RIPPLY2: variants seen among roughly 807,000 people sequenced by gnomAD.
The protein encoded by RIPPLY2 is protein ripply2.
Under a neutral mutation model 17.7 loss-of-function variants are expected in RIPPLY2, and 20 were observed. The observed-to-expected ratio is 1.13, with a 90% CI of 0.79 to 1.64. RIPPLY2 has a LOEUF of 1.64. Among genes scored for constraint, RIPPLY2 ranks in the 40% most tolerant of loss-of-function variants. RIPPLY2 has a pLI of 0.00. For synonymous variants in RIPPLY2, 69 were observed against 63.9 expected (o/e 1.08, Z -0.38); for missense variants, 213 against 169.8 (o/e 1.25, Z -1.41).
At chr6:83,853,533 T>A in intron 1 of RIPPLY2, 22 bp downstream of exon 1, 1 of 1,535,702 alleles carries the variant, frequency 6.5e-7, no homozygotes, top group Non-Finnish European at 8.7e-7. Flanking sequence ...CGCGCTGCTC[T>A]GCGCCTCCCA....
In RIPPLY2 at chr6:83,854,167, T is replaced by G; in HGVS notation, c.239+6T>G. 6.2e-7 allele frequency: 1 copy of G among 1,613,268 alleles called. No individual in the cohort carries two copies. Among genetic ancestry groups the G allele is most frequent in the South Asian group, 1.1e-5 (1 of 91,062 alleles). Reference sequence around the variant, plus strand: ...CAATTCAGGCACCCAGTCAGGTGAGTGACAGGCCTCGCCGAAGGTCTCCCG... The same window carrying G: ...CAATTCAGGCACCCAGTCAGGTGAGGGACAGGCCTCGCCGAAGGTCTCCCG... On this transcript the variant is annotated splice_donor_region_variant and intron_variant, in intron 3 of 3. Coordinates refer to ENST00000369689, the MANE Select transcript of RIPPLY2 (RefSeq NM_001009994.3).
At chr6:83,855,487 A>G (rs2099454856) in intron 3 of RIPPLY2, 2 of 152,174 alleles carry the variant, frequency 1.3e-5, no homozygotes, top group African/African-American at 2.4e-5. Flanking sequence ...AGAAGAGGTA[A>G]AAGGCCAGAA....
Position 83,853,526 on chromosome 6 carries a change from G to A in RIPPLY2, c.95+15G>A. 11 of 1,534,626 alleles carry A rather than the reference G, an allele frequency of 7.2e-6. No individual in the cohort carries two copies. The African/African-American group carries it at 8.3e-5, about 12-fold the overall frequency. Reference sequence around the variant, plus strand: ...GCGGACTCCGGGTAGGCTTCCCCGCGCTGCTCTGCGCCTCCCAGCTTCCCC... The same window carrying A: ...GCGGACTCCGGGTAGGCTTCCCCGCACTGCTCTGCGCCTCCCAGCTTCCCC... On this transcript the variant is annotated intron_variant, in intron 1 of 3. Coordinates refer to ENST00000369689, the MANE Select transcript of RIPPLY2 (RefSeq NM_001009994.3).
In RIPPLY2 at chr6:83,857,218, A is replaced by C. The variant is rs374753165; in HGVS notation, c.240-24A>C. On this transcript the variant is annotated intron_variant, in intron 3 of 3. Coordinates refer to ENST00000369689, the MANE Select transcript of RIPPLY2 (RefSeq NM_001009994.3). Reference sequence around the variant, plus strand: ...TAAAGATCCTGAATGTGAAAAAATAAAACATGTTGTCTGCTTCTTTCAGAC... The same window carrying C: ...TAAAGATCCTGAATGTGAAAAAATACAACATGTTGTCTGCTTCTTTCAGAC... 8 of 1,435,188 alleles carry C rather than the reference A, an allele frequency of 5.6e-6. No homozygotes were observed. In the African/African-American group the frequency reaches 1.2e-4, roughly 21 times the overall value. 88.9% of individuals were successfully genotyped at this position (1,435,188 alleles called of 1,614,324 possible). A position where few individuals can be genotyped will look rare whatever the true frequency, so the allele number is the denominator to read the frequency against.
chr6:83,853,292 GGCAGCGAACCTCTCAATGT>G (rs1184133945), upstream of RIPPLY2: 38 of 698,828 alleles, frequency 5.4e-5, no homozygotes, highest in Non-Finnish European at 7.5e-5. Context: ...GGGGCGGAGA[GGCAGCGAACCTCTCAATGT>G]GCAGCAGGCC....
In RIPPLY2 at chr6:83,853,380, G is replaced by C; in HGVS notation, c.-37G>C. 2 of 1,518,932 alleles carry C rather than the reference G, an allele frequency of 1.3e-6. No homozygotes were observed. The highest frequency in any genetic ancestry group is 1.4e-5 in the African/African-American group (1 of 72,184). The allele number at this position is 1,518,932 out of a possible 1,614,324, so 94.1% of individuals were successfully genotyped here. On this transcript the variant is annotated 5_prime_UTR_variant, in exon 1 of 4. Coordinates refer to ENST00000369689, the MANE Select transcript of RIPPLY2 (RefSeq NM_001009994.3). Reference sequence around the variant, plus strand: ...ACTGGAACTGGTCAAGATTGCCCGCGAGCTGGCAGCGGCCTTCCGCCCAGC... The same window carrying C: ...ACTGGAACTGGTCAAGATTGCCCGCCAGCTGGCAGCGGCCTTCCGCCCAGC...
Position 83,853,675 on chromosome 6 carries a change from T to C in RIPPLY2, c.96-20T>C, listed in dbSNP as rs941975595. 4 of 1,609,232 alleles carry C rather than the reference T, an allele frequency of 2.5e-6. No individual in the cohort carries two copies. The East Asian group carries it at 6.7e-5, about 27-fold the overall frequency. ...GGGCTCACGTCTCCTCTGCGCGCCT[T>C]GTGCTCCCCTATCCCGCAGATACGC... is the stretch of plus-strand genomic sequence containing the variant. On this transcript the variant is annotated intron_variant, in intron 1 of 3. Coordinates refer to ENST00000369689, the MANE Select transcript of RIPPLY2 (RefSeq NM_001009994.3).
Position 83,853,763 on chromosome 6 carries a change from C to T in RIPPLY2, c.164C>T (p.Ala55Val). 6.2e-7 allele frequency: 1 copy of T among 1,612,762 alleles called. No individual in the cohort carries two copies. Among genetic ancestry groups the T allele is most frequent in the Non-Finnish European group, 8.5e-7 (1 of 1,179,734 alleles). ...AAAGAAGAGGAGACGCCGAACCACGCCGCGGAGGCGGTGAGTGAGCCACGC... is the reference window on the plus strand; with the variant it reads ...AAAGAAGAGGAGACGCCGAACCACGTCGCGGAGGCGGTGAGTGAGCCACGC... ...GKKEEETPNH[A>V]AEAMPDGPGM... The change falls in exon 2 of 4, where the codon GCC (alanine) becomes GTC (valine). Residue 55 changes from alanine (A) to valine (V), a missense_variant. Ala to Val is a moderately conservative substitution (Grantham distance 64). Transcript: ENST00000369689.
chr6:83,853,825 A>G, intron 2 of RIPPLY2, 52 bp downstream of exon 2: 1 of 1,510,634 alleles, frequency 6.6e-7, no homozygotes, highest in Non-Finnish European at 9.1e-7. Flanking sequence ...CAGAAGATCG[A>G]CCAGGGCTCT....
chr6:83,853,887 C>G, intron 2 of RIPPLY2, 114 bp downstream of exon 2: 2 of 1,072,986 alleles, frequency 1.9e-6, no homozygotes, highest in South Asian at 2.9e-5. Flanking sequence ...CTGCCTCTCG[C>G]TTAACATCCC....
Position 83,854,095 on chromosome 6 carries a change from A to G in RIPPLY2, c.175-2A>G. 7 of 1,613,864 alleles carry G rather than the reference A, an allele frequency of 4.3e-6. No individual in the cohort carries two copies. The highest frequency in any genetic ancestry group is 5.9e-6 in the Non-Finnish European group (7 of 1,179,806). ...ACTGGATTCACTTCCTTTCCTCTCCAGATGCCCGATGGCCCTGGAATGACC... is the reference window on the plus strand; with the variant it reads ...ACTGGATTCACTTCCTTTCCTCTCCGGATGCCCGATGGCCCTGGAATGACC... On this transcript the variant is annotated splice_acceptor_variant, in intron 2 of 3. Coordinates refer to ENST00000369689, the MANE Select transcript of RIPPLY2 (RefSeq NM_001009994.3). LOFTEE classifies it high-confidence loss of function.
rs1588553090 is a variant in RIPPLY2 at position 83,853,899 on chromosome 6, C to A, written c.174+126C>A. The A allele has an allele frequency of 2.9e-6, 3 of 1,040,050 alleles. No homozygotes were observed. The East Asian group carries it at 7.6e-5, about 26-fold the overall frequency. 64.4% of individuals were successfully genotyped at this position (1,040,050 alleles called of 1,614,324 possible). ...GTCCTGCCTCTCGCTTAACATCCCG[C>A]CTGCCGGTGGCCATAAAGGTGCCGA... On this transcript the variant is annotated intron_variant, in intron 2 of 3. Coordinates refer to ENST00000369689, the MANE Select transcript of RIPPLY2 (RefSeq NM_001009994.3).
At position 83,854,168 on chromosome 6, in the gene RIPPLY2, G is replaced by A. The variant is rs573912260; in HGVS notation, c.239+7G>A. The A allele has an allele frequency of 1.1e-4, 182 of 1,613,240 alleles. No homozygotes were observed. The South Asian group carries it at 1.9e-3, about 17-fold the overall frequency. On this transcript the variant is annotated splice_region_variant and intron_variant, in intron 3 of 3. Transcript: ENST00000369689. Reference sequence around the variant, plus strand: ...AATTCAGGCACCCAGTCAGGTGAGTGACAGGCCTCGCCGAAGGTCTCCCGC... The same window carrying A: ...AATTCAGGCACCCAGTCAGGTGAGTAACAGGCCTCGCCGAAGGTCTCCCGC...
intron 3 of RIPPLY2, chr6:83,855,832 C>T (rs961454515): frequency 2.0e-5 from 3 of 152,162 alleles, no homozygotes; most frequent in Non-Finnish European, 4.4e-5. Context: ...AGCATCTAAC[C>T]AGTACACAGA....
rs1009871056 is a variant in RIPPLY2, at chr6:83,853,503, G to T, written c.87G>T (p.Ala29=). The change falls in exon 1 of 4, where the codon GCG becomes GCT. Residue 29 remains alanine (A), a synonymous_variant. Coordinates refer to ENST00000369689, the MANE Select transcript of RIPPLY2 (RefSeq NM_001009994.3). ...ACGGCCCTACGCGGCGCGCGGGCGC[G>T]GACTCCGGGTAGGCTTCCCCGCGCT... The part of the protein sequence containing the change: ...ATDGPTRRAG[A]DSGYAGFWRP... The T allele has an allele frequency of 6.5e-7, 1 of 1,538,568 alleles. No homozygotes were observed.
At chr6:83,854,346 T>TA (rs2099454670) in intron 3 of RIPPLY2, 185 bp downstream of exon 3, 1 of 613,666 alleles carries the variant, frequency 1.6e-6, no homozygotes, top group Admixed American at 2.8e-5. Context: ...CGGTCCCACG[T>TA]AAAGGGACTG....
intron 3 of RIPPLY2, 130 bp from the exon 4 acceptor site, chr6:83,857,112 C>G (rs975960577): frequency 2.0e-6 from 1 of 508,368 alleles, no homozygotes; most frequent in Non-Finnish European, 3.4e-6. Flanking sequence ...TATTTTAACT[C>G]TGTATCTTAA....
chr6:83,857,158 T>C (rs1588554185), intron 3 of RIPPLY2, 84 bp from the exon 4 acceptor site: 5 of 860,078 alleles, frequency 5.8e-6, no homozygotes, highest in Non-Finnish European at 8.5e-6. Flanking sequence ...TTGTTAAATA[T>C]ATGGAGCTCT....
chr6:83,856,056 C>A (rs1253320034), intron 3 of RIPPLY2: 2 of 152,102 alleles, frequency 1.3e-5, no homozygotes, highest in Non-Finnish European at 2.9e-5. Context: ...AGTACGGTTA[C>A]AATTTAATTG....
Sources: gnomAD v4.1 joint callset for allele counts on GRCh38, gnomAD v4.1.1 for gene constraint, MANE v1.5 for transcripts, NCBI Gene and HGNC (gene_info 2026-07-23, HGNC 2026-07-21) for gene names.